SOCS5: variants seen among roughly 807,000 people sequenced by gnomAD.
SOCS5 encodes the protein CIS-6.
Under a neutral mutation model 42.8 loss-of-function variants are expected in SOCS5, and 32 were observed. That is an observed-to-expected ratio of 0.75 (90% CI 0.56 to 1.01). SOCS5 has a LOEUF of 1.01. SOCS5 is among the 50% of genes least tolerant of loss of function. SOCS5 has a pLI of 0.00. For synonymous variants in SOCS5, 283 were observed against 229.6 expected (o/e 1.23, Z -2.10); for missense variants, 627 against 653.0 (o/e 0.96, Z 0.43).
intron 1 of SOCS5, among the ~76,000 whole-genome samples, chr2:46,712,735 G>A (rs1006760861): frequency 6.6e-6 from 1 of 152,162 alleles, no homozygotes; most frequent in African/African-American, 2.4e-5. Context: ...ACATTGATTG[G>A]TATTTGATTA....
intron 1 of SOCS5, among the ~76,000 whole-genome samples, chr2:46,728,858 C>T (rs1035399763): frequency 2.0e-5 from 3 of 152,092 alleles, no homozygotes; most frequent in African/African-American, 4.8e-5. Flanking sequence ...CGCTGGCCAG[C>T]GATTTGTATT....
intron 1 of SOCS5, among the ~76,000 whole-genome samples, chr2:46,750,087 T>C (rs939635626): frequency 3.0e-4 from 46 of 152,302 alleles, no homozygotes; most frequent in African/African-American, 1.1e-3. Context: ...TTCAGAAATA[T>C]GAAGAAAGAC....
chr2:46,746,922 C>CTTTTT (rs11373537), intron 1 of SOCS5, among the ~76,000 whole-genome samples: 45 of 70,792 alleles, frequency 6.4e-4, no homozygotes, highest in East Asian at 8.9e-4. Context: ...GACTTTATTT[C>CTTTTT]TTTTTTTTTT....
At chr2:46,747,257 G>C (rs1023478528) in intron 1 of SOCS5, among the ~76,000 whole-genome samples, 3 of 152,008 alleles carry the variant, frequency 2.0e-5, no homozygotes, top group South Asian at 4.1e-4. Flanking sequence ...ATTTTGCTCT[G>C]TTGGTCAGGC....
intron 1 of SOCS5, among the ~76,000 whole-genome samples, chr2:46,747,067 T>G (rs1673518644): frequency 6.6e-6 from 1 of 152,102 alleles, no homozygotes; most frequent in Non-Finnish European, 1.5e-5. Context: ...GCTGGTGTTT[T>G]CCTTGAGCAA....
chr2:46,717,377 C>A (rs901768303), intron 1 of SOCS5, among the ~76,000 whole-genome samples: 2 of 152,130 alleles, frequency 1.3e-5, no homozygotes, highest in Non-Finnish European at 2.9e-5. Flanking sequence ...CGTGTGAAAA[C>A]TATTGTTTGG....
intron 1 of SOCS5, among the ~76,000 whole-genome samples, chr2:46,756,346 C>A (rs557187921): frequency 1.3e-5 from 2 of 152,218 alleles, no homozygotes; most frequent in African/African-American, 4.8e-5. Flanking sequence ...TAAACTTTTT[C>A]TGAAAGGGGC....
chr2:46,719,061 A>C (rs1672820847), intron 1 of SOCS5, among the ~76,000 whole-genome samples: 1 of 152,202 alleles, frequency 6.6e-6, no homozygotes, highest in Non-Finnish European at 1.5e-5. Context: ...TAGTTGTGTA[A>C]CCAAATACCA....
chr2:46,710,972 C>G (rs185382331), intron 1 of SOCS5, among the ~76,000 whole-genome samples: 1 of 152,246 alleles, frequency 6.6e-6, no homozygotes, highest in South Asian at 2.1e-4. Context: ...TTCTTTTTAT[C>G]AGCATGTTTT....
chr2:46,742,243 C>G (rs541567344), intron 1 of SOCS5, among the ~76,000 whole-genome samples: 1 of 152,086 alleles, frequency 6.6e-6, no homozygotes, highest in South Asian at 2.1e-4. Flanking sequence ...TTACCATTTT[C>G]TTTGTCTTCT....
chr2:46,701,579 T>C (rs369428242), intron 1 of SOCS5, among the ~76,000 whole-genome samples: 1 of 152,058 alleles, frequency 6.6e-6, no homozygotes, highest in Admixed American at 6.6e-5. Flanking sequence ...CAACTGTTAA[T>C]GGTTTTTGGA....
chr2:46,722,712 G>C (rs1226524796), intron 1 of SOCS5, among the ~76,000 whole-genome samples: 1 of 152,038 alleles, frequency 6.6e-6, no homozygotes, highest in African/African-American at 2.4e-5. Context: ...GGGATTGCTG[G>C]GTCATATGGC....
In SOCS5 at chr2:46,759,489, C is replaced by G; in HGVS notation, c.959C>G (p.Ala320Gly). The change falls in exon 2 of 2, where the codon GCT (alanine) becomes GGT (glycine). Residue 320 changes from alanine (A) to glycine (G), a missense_variant. By Grantham distance (60) the Ala-to-Gly change is moderately conservative. Transcript: ENST00000394861. ...GGGGACAGTTCTGCAATTCCACAAG[C>G]TAATTGTGACTCGGAAGAGGATACA... is the stretch of plus-strand genomic sequence containing the variant. ...ISGDSSAIPQ[A>G]NCDSEEDTTT... 1 of 1,613,980 alleles carries G rather than the reference C, an allele frequency of 6.2e-7. No homozygotes were observed. The highest frequency in any genetic ancestry group is 1.3e-5 in the African/African-American group (1 of 75,056).
In SOCS5 at chr2:46,720,189, T is replaced by C. The variant is rs140916253; in HGVS notation, c.-13+20740T>C. On this transcript the variant is annotated intron_variant, in intron 1 of 1. Coordinates refer to ENST00000394861, the MANE Select transcript of SOCS5 (RefSeq NM_144949.3). ...AGAACTAAAGATAATCCAAGTAAAG[T>C]GATTAGTACAATTCCTTGCACATCC... Among the ~76,000 whole-genome samples the C allele has an allele frequency of 4.7e-4, 71 of 152,302 alleles. 1 individual carries two copies. In the East Asian group the frequency reaches 6.0e-3, roughly 13 times the overall value.
chr2:46,741,258 G>A (rs1673367568), intron 1 of SOCS5, among the ~76,000 whole-genome samples: 1 of 151,646 alleles, frequency 6.6e-6, no homozygotes, highest in Non-Finnish European at 1.5e-5. Flanking sequence ...TTATTTATTT[G>A]AAACGGAGTC....
chr2:46,759,781 G>A lies in SOCS5; in HGVS notation c.1251G>A (p.Val417=), dbSNP rs772759146. Residue 417 remains valine (V), a synonymous_variant, in exon 2 of 2, where the codon GTG becomes GTA. Transcript: ENST00000394861. ...DSAQEDYLFS[V]SFRRYNRSLH... is the part of the protein sequence containing the mutation. The stretch of plus-strand genomic sequence containing the variant: ...CGCAAGAGGACTACCTCTTCTCTGT[G>A]AGCTTCCGCCGCTACAACAGATCCC... 1 of 1,614,156 alleles carries A rather than the reference G, an allele frequency of 6.2e-7. No homozygotes were observed. The highest frequency in any genetic ancestry group is 8.5e-7 in the Non-Finnish European group (1 of 1,180,006).
At chr2:46,756,292 T>A (rs1019193302) in intron 1 of SOCS5, among the ~76,000 whole-genome samples, 2 of 152,212 alleles carry the variant, frequency 1.3e-5, no homozygotes, top group Non-Finnish European at 2.9e-5. Flanking sequence ...TCTTCTAGTG[T>A]CTAGAGTGAT....
chr2:46,737,390 T>C (rs1295442143), intron 1 of SOCS5, among the ~76,000 whole-genome samples: 1 of 152,164 alleles, frequency 6.6e-6, no homozygotes, highest in African/African-American at 2.4e-5. Context: ...CTTCTGGTAT[T>C]GAAGAGAAAA....
Position 46,760,135 on chromosome 2 carries a change from A to G in SOCS5, c.1605A>G (p.Ala535=). The G allele has an allele frequency of 6.2e-7, 1 of 1,611,264 alleles. No homozygotes were observed. The highest frequency in any genetic ancestry group is 8.5e-7 in the Non-Finnish European group (1 of 1,178,426). The change falls in exon 2 of 2, where the codon GCA becomes GCG. Residue 535 remains alanine, a synonymous_variant. Coordinates refer to ENST00000394861, the MANE Select transcript of SOCS5 (RefSeq NM_144949.3). The part of the protein sequence containing the change: ...VRWLEREPVK[A]K ...GGTTGGAACGAGAACCAGTCAAGGC[A>G]AAGTAAACTCTCCGGTCCCCAAAGG...
Sources: allele counts gnomAD v4.1 joint callset (sites outside exome capture counted in the v4.1 genomes callset), GRCh38; gene constraint gnomAD v4.1.1; transcripts MANE v1.5; gene names NCBI Gene and HGNC (gene_info 2026-07-23, HGNC 2026-07-21).